The following CFAP251 variants were observed in gnomAD, a reference collection of about 807,000 sequenced individuals.
The protein encoded by CFAP251 is cilia and flagella associated protein 251, also known as cilia- and flagella-associated protein 251.
CFAP251 carries 93 observed loss-of-function variants against 126.7 expected under a neutral mutation model. The observed-to-expected ratio is 0.73, with a 90% CI of 0.62 to 0.87. CFAP251 has a LOEUF of 0.87. Ranked by LOEUF, CFAP251 falls within the 40% of genes least tolerant of loss-of-function variation. CFAP251 has a pLI of 0.00. For synonymous variants in CFAP251, 503 were observed against 506.9 expected, an observed-to-expected ratio of 0.99 and a Z score of 0.10; for missense variants, 1,287 against 1,389.2, an observed-to-expected ratio of 0.93 and a Z score of 1.17.
At chr12:121,977,907 C>T (rs1007441111) in intron 19 of CFAP251, among the ~76,000 whole-genome samples, 2 of 150,068 alleles carry the variant, frequency 1.3e-5, no homozygotes, top group Admixed American at 6.7e-5. Context: ...TGTAGTGAGC[C>T]GAGATTGCGC....
chr12:121,970,484 A>C (rs1565917799), intron 17 of CFAP251, among the ~76,000 whole-genome samples: 1 of 152,054 alleles, frequency 6.6e-6, no homozygotes, highest in Admixed American at 6.6e-5. Context: ...GCTACCACCA[A>C]GTTCAGACCA....
In CFAP251 at chr12:121,923,938, C is replaced by A; in HGVS notation, c.695C>A (p.Thr232Asn). 1 of 1,613,914 alleles carries A rather than the reference C, an allele frequency of 6.2e-7. No homozygotes were observed. The highest frequency in any genetic ancestry group is 8.5e-7 in the Non-Finnish European group (1 of 1,179,986). The stretch of plus-strand genomic sequence containing the variant: ...TCCCGGGAGTCACTGGTGTCCAGCA[C>A]CACAGAGGACATTCTGTTTCAAAAG... The part of the protein sequence containing the change: ...GISRESLVSS[T>N]TEDILFQKDK... The change falls in exon 3 of 22, where the codon ACC (threonine) becomes AAC (asparagine). Residue 232 changes from threonine (T) to asparagine (N), a missense_variant. Coordinates refer to ENST00000288912, the MANE Select transcript of CFAP251 (RefSeq NM_144668.6).
rs1337120797 is a variant in CFAP251 at position 121,921,693 on chromosome 12, C to A, written c.378+10C>A. 2 of 1,592,646 alleles carry A rather than the reference C, an allele frequency of 1.3e-6. No individual in the cohort carries two copies. The highest frequency in any genetic ancestry group is 2.3e-5 in the South Asian group (2 of 87,550). ...ATCAGGAATTTTCCCAGTAAGTAGT[C>A]ATCTTAATTCATTCATCAATTCATT... On this transcript the variant is annotated intron_variant, in intron 2 of 21. Coordinates refer to ENST00000288912, the MANE Select transcript of CFAP251 (RefSeq NM_144668.6).
At chr12:121,945,347 C>A (rs929513297) in intron 7 of CFAP251, among the ~76,000 whole-genome samples, 4 of 151,480 alleles carry the variant, frequency 2.6e-5, no homozygotes, top group African/African-American at 9.7e-5. Context: ...CTTTTCTTTT[C>A]TTTTCTTTTT....
At chr12:121,971,156 GC>G (rs919007936) in intron 17 of CFAP251, among the ~76,000 whole-genome samples, 43 of 152,246 alleles carry the variant, frequency 2.8e-4, no homozygotes, top group African/African-American at 9.4e-4. Flanking sequence ...GCTAAAAGTG[GC>G]CTTGCTGCTC....
chr12:121,921,423 T>G lies in CFAP251; in HGVS notation c.118T>G (p.Ser40Ala). ...AGAAGTAGAAGATCCACAACAGGAA[T>G]CAAAAGATGACACAATAGCATGGAG... is the stretch of plus-strand genomic sequence containing the variant. ...YKEVEDPQQE[S>A]KDDTIAWRES... is the part of the protein sequence containing the mutation. Residue 40 changes from serine (S) to alanine (A), a missense_variant, in exon 2 of 22, where the codon TCA becomes GCA. Physicochemically the swap from Ser to Ala is moderately conservative, Grantham distance 99. Transcript: ENST00000288912. The G allele has an allele frequency of 6.2e-7, 1 of 1,610,360 alleles. No individual in the cohort carries two copies. The highest frequency in any genetic ancestry group is 8.5e-7 in the Non-Finnish European group (1 of 1,179,284).
At chr12:121,985,231 G>T (rs573374393) in intron 19 of CFAP251, among the ~76,000 whole-genome samples, 2 of 152,208 alleles carry the variant, frequency 1.3e-5, no homozygotes, top group Admixed American at 1.3e-4. Flanking sequence ...CTCAACAAAT[G>T]TACTTTTAAG....
rs1882872025 is a variant in CFAP251, at chr12:121,991,430, A to T, written c.3007-8286A>T. Among the ~76,000 whole-genome samples, 3 of 152,224 alleles carry T rather than the reference A, an allele frequency of 2.0e-5. No homozygotes were observed. The South Asian group carries it at 6.2e-4, about 32-fold the overall frequency. On this transcript the variant is annotated intron_variant, in intron 19 of 21. Transcript: ENST00000288912. ...CCTCCGTGAACCCCTGTGGTCTAAGAGCAGCAGTATTCAAAGTGTGGTCCC... is the reference window on the plus strand; with the variant it reads ...CCTCCGTGAACCCCTGTGGTCTAAGTGCAGCAGTATTCAAAGTGTGGTCCC...
rs1881903224 is a variant in CFAP251, at chr12:121,960,722, G to T, written c.2271G>T (p.Glu757Asp). 6.2e-7 allele frequency: 1 copy of T among 1,613,800 alleles called. No individual in the cohort carries two copies. Among genetic ancestry groups the T allele is most frequent in the African/African-American group, 1.3e-5 (1 of 75,018 alleles). The change falls in exon 14 of 22, where the codon GAG (glutamate) becomes GAT (aspartate). Residue 757 changes from glutamate to aspartate, a missense_variant. Glu to Asp is a conservative substitution (Grantham distance 45). Coordinates refer to ENST00000288912, the MANE Select transcript of CFAP251 (RefSeq NM_144668.6). Reference protein sequence around the residue: ...LLFGVYLDSNEPRLLSLGTDR... With the variant: ...LLFGVYLDSNDPRLLSLGTDR... ...TTGGGGTTTACCTGGACAGCAATGA[G>T]CCTAGACTGCTGAGCCTTGGGACAG...
chr12:122,000,151 G>A (rs150941506), intron 20 of CFAP251, among the ~76,000 whole-genome samples: 1 of 152,306 alleles, frequency 6.6e-6, no homozygotes, highest in East Asian at 1.9e-4. Context: ...GAAAGCAAAA[G>A]AATGTGATTC....
rs574731290 is a variant in CFAP251 at position 121,942,511 on chromosome 12, G to GC, written c.999-17dup. 1.6e-4 allele frequency: 260 copies of GC among 1,576,704 alleles called. No homozygotes were observed. The African/African-American group carries it at 2.9e-3, about 18-fold the overall frequency. ...AGCCAGGGAGACCTCAGCAAGTGTC[G>GC]CCCCCCTTGTCCTGTTTTGCAGTAT... On this transcript the variant is annotated intron_variant, in intron 5 of 21. Transcript: ENST00000288912.
chr12:121,968,772 G>A (rs1882236658), intron 17 of CFAP251: 1 of 426,048 alleles, frequency 2.3e-6, no homozygotes, highest in Non-Finnish European at 3.1e-6. Context: ...GTGATAATAG[G>A]AACTTCTGTA....
chr12:121,965,821 T>TTCC (rs35727266), intron 15 of CFAP251, among the ~76,000 whole-genome samples: 1 of 108,966 alleles, frequency 9.2e-6, no homozygotes, highest in South Asian at 3.1e-4. Flanking sequence ...CTTCTTCTTC[T>TTCC]TTTTTTTTTT....
Position 121,999,938 on chromosome 12 carries a change from A to C in CFAP251, c.3229A>C (p.Thr1077Pro), listed in dbSNP as rs887510451. ...AGAGGACTTCCTGAGACTGCTCGTT[A>C]CTAAAGGTAAGCACATACATCAGGA... is the stretch of plus-strand genomic sequence containing the variant. ...RREDFLRLLVTKGEHMTEEEM... is the reference protein window; with the variant it reads ...RREDFLRLLVPKGEHMTEEEM... The change falls in exon 20 of 22, where the codon ACT becomes CCT. Residue 1077 changes from threonine to proline, a missense_variant. Physicochemically the swap from Thr to Pro is conservative, Grantham distance 38. Transcript: ENST00000288912. The C allele has an allele frequency of 1.2e-6, 2 of 1,611,970 alleles. No individual in the cohort carries two copies. The highest frequency in any genetic ancestry group is 1.1e-5 in the South Asian group (1 of 91,048).
At chr12:121,933,926 G>A (rs760349624) in intron 4 of CFAP251, among the ~76,000 whole-genome samples, 8 of 152,194 alleles carry the variant, frequency 5.3e-5, no homozygotes, top group Admixed American at 2.6e-4. Context: ...GGCCGGCAGC[G>A]TGACTCAGAG....
intron 19 of CFAP251, chr12:121,997,342 C>T (rs1227197112): frequency 6.8e-6 from 1 of 147,686 alleles, no homozygotes; most frequent in Non-Finnish European, 1.5e-5. Flanking sequence ...TCTCCTGTCC[C>T]AGCCTCCCAA....
Position 121,999,811 on chromosome 12 carries a change from C to T in CFAP251, c.3102C>T (p.Tyr1034=). Residue 1034 remains tyrosine, a synonymous_variant, in exon 20 of 22, where the codon TAC becomes TAT. Transcript: ENST00000288912. Reference sequence around the variant, plus strand: ...ACTTACCAGATTTCCTAAAAGTGTACCTTAACCACAAGCCACCTTTTGGTA... The same window carrying T: ...ACTTACCAGATTTCCTAAAAGTGTATCTTAACCACAAGCCACCTTTTGGTA... ...KINLPDFLKV[Y]LNHKPPFGNT... 6.2e-7 allele frequency: 1 copy of T among 1,614,118 alleles called. No homozygotes were observed. The highest frequency in any genetic ancestry group is 8.5e-7 in the Non-Finnish European group (1 of 1,180,006).
chr12:121,933,531 G>A (rs960927589), intron 4 of CFAP251: 1 of 152,258 alleles, frequency 6.6e-6, no homozygotes, highest in Admixed American at 6.5e-5. Flanking sequence ...AGCAGAGGCC[G>A]AGCATGGTGG....
intron 3 of CFAP251, among the ~76,000 whole-genome samples, chr12:121,926,056 G>C (rs572535433): frequency 7.1e-6 from 1 of 140,572 alleles, no homozygotes; most frequent in South Asian, 2.2e-4. Context: ...TAGTAGAGAC[G>C]GAGTTTCACC....
Sources: gnomAD v4.1 joint callset for allele counts (sites outside exome capture counted in the v4.1 genomes callset) on GRCh38, gnomAD v4.1.1 for gene constraint, MANE v1.5 for transcripts, NCBI Gene and HGNC (gene_info 2026-07-23, HGNC 2026-07-21) for gene names.